The following CADPS variants were observed in gnomAD, a reference collection of about 807,000 sequenced individuals.
CADPS encodes the protein calcium dependent secretion activator.
CADPS carries 57 observed loss-of-function variants against 167.3 expected under a neutral mutation model. The observed-to-expected ratio is 0.34, with a 90% CI of 0.28 to 0.42. The LOEUF is 0.42. CADPS is among the 20% of genes least tolerant of loss of function. CADPS has a pLI of 1.00. For missense variants in CADPS, 1,414 were observed against 1,738.1 expected (o/e 0.81, Z 3.32); for synonymous variants, 676 against 635.3 (o/e 1.06, Z -0.96).
chr3:62,536,586 T>G lies in CADPS; in HGVS notation c.1967-5A>C. 3.7e-6 allele frequency: 6 copies of G among 1,612,536 alleles called. No homozygotes were observed. The highest frequency in any genetic ancestry group is 5.1e-6 in the Non-Finnish European group (6 of 1,178,954). On this transcript the variant is annotated splice_polypyrimidine_tract_variant and splice_region_variant and intron_variant, in intron 11 of 29. Transcript: ENST00000383710. ...GTTTTTGAGCTCTATCTGCGTCTGT[T>G]CATTTATACATGTAGAGAGAGACAC...
intron 2 of CADPS, among the ~76,000 whole-genome samples, chr3:62,758,993 T>A (rs1201363320): frequency 2.0e-5 from 3 of 152,146 alleles, no homozygotes; most frequent in African/African-American, 7.2e-5. Flanking sequence ...CCTTTCAATA[T>A]AAATAAGAAA....
chr3:62,474,556 G>A (rs1267120195), intron 23 of CADPS, among the ~76,000 whole-genome samples: 1 of 152,114 alleles, frequency 6.6e-6, no homozygotes, highest in African/African-American at 2.4e-5. Flanking sequence ...GTAGCTTGGC[G>A]TATTTCTCTC....
intron 1 of CADPS, among the ~76,000 whole-genome samples, chr3:62,859,248 C>T (rs963739541): frequency 2.6e-5 from 4 of 152,118 alleles, no homozygotes; most frequent in Non-Finnish European, 4.4e-5. Context: ...GAAGTAAACA[C>T]ATATTATTAA....
chr3:62,568,494 G>C (rs887244423), intron 9 of CADPS, among the ~76,000 whole-genome samples: 5 of 152,202 alleles, frequency 3.3e-5, no homozygotes, highest in African/African-American at 1.2e-4. Flanking sequence ...TTGGGCATCA[G>C]ACTCCAGGTT....
rs116743409 is a variant in CADPS at position 62,491,081 on chromosome 3, T to C, written c.3026+258A>G. ...AGCCGAGTTTATATTCCTTCTTCCT[T>C]ATTTATCTTGTGCAATAAGAGATTT... On this transcript the variant is annotated intron_variant, in intron 21 of 29. Coordinates refer to ENST00000383710, the MANE Select transcript of CADPS (RefSeq NM_003716.4). Among the ~76,000 whole-genome samples the C allele has an allele frequency of 4.6e-3, 697 of 152,316 alleles. 6 individuals carry two copies. The highest frequency in any genetic ancestry group is 0.016 in the African/African-American group (659 of 41,566).
At chr3:62,824,398 C>T (rs207463166) in intron 1 of CADPS, among the ~76,000 whole-genome samples, 3 of 152,084 alleles carry the variant, frequency 2.0e-5, no homozygotes, top group African/African-American at 7.2e-5. Flanking sequence ...GCTATGGGAA[C>T]AAATGTAAGC....
intron 1 of CADPS, among the ~76,000 whole-genome samples, chr3:62,777,302 T>C (rs1460515233): frequency 6.6e-6 from 1 of 152,150 alleles, no homozygotes; most frequent in East Asian, 1.9e-4. Context: ...TTCACTGAAA[T>C]TGATTTAGAT....
At chr3:62,824,980 C>T (rs1479613945) in intron 1 of CADPS, among the ~76,000 whole-genome samples, 2 of 152,032 alleles carry the variant, frequency 1.3e-5, no homozygotes, top group Non-Finnish European at 2.9e-5. Flanking sequence ...TACACAGGCA[C>T]GTATATCCAG....
chr3:62,554,887 G>A (rs62243513), intron 10 of CADPS, among the ~76,000 whole-genome samples: 4 of 151,972 alleles, frequency 2.6e-5, no homozygotes, highest in Middle Eastern at 3.2e-3. Context: ...CGAGTAGCTC[G>A]GATTACAGGT....
At chr3:62,810,197 T>C (rs1218856637) in intron 1 of CADPS, among the ~76,000 whole-genome samples, 1 of 152,120 alleles carries the variant, frequency 6.6e-6, no homozygotes. Flanking sequence ...AAAAGCATGG[T>C]TTTGGTACCA....
chr3:62,638,229 A>C (rs2066718485), intron 6 of CADPS, among the ~76,000 whole-genome samples: 1 of 152,002 alleles, frequency 6.6e-6, no homozygotes, highest in Non-Finnish European at 1.5e-5. Context: ...TGTCCATGAC[A>C]CCATACTGCT....
chr3:62,480,019 C>A (rs1229859129), intron 22 of CADPS, among the ~76,000 whole-genome samples: 1 of 151,796 alleles, frequency 6.6e-6, no homozygotes, highest in Non-Finnish European at 1.5e-5. Context: ...AACATTTTGA[C>A]ACCCATCTGG....
chr3:62,433,207 T>C lies in CADPS; in HGVS notation c.3777+4897A>G, dbSNP rs547638642. On this transcript the variant is annotated intron_variant, in intron 28 of 29. Coordinates refer to ENST00000383710, the MANE Select transcript of CADPS (RefSeq NM_003716.4). The surrounding 1 kb of genome is among the most constrained non-coding windows in gnomAD (Gnocchi z 4.7). ...GTATCTGTGGTTTCATATATAAATATAGCAAATATATTTTAACAGGCAAAG... is the reference window on the plus strand; with the variant it reads ...GTATCTGTGGTTTCATATATAAATACAGCAAATATATTTTAACAGGCAAAG... 2.3e-4 allele frequency among the ~76,000 whole-genome samples: 35 copies of C among 152,316 alleles called. No individual in the cohort carries two copies. The highest frequency in any genetic ancestry group is 3.4e-3 in the Middle Eastern group (1 of 294).
chr3:62,667,315 A>C (rs1358478016), intron 3 of CADPS, among the ~76,000 whole-genome samples: 2 of 151,990 alleles, frequency 1.3e-5, no homozygotes, highest in East Asian at 3.9e-4. Context: ...GGATATATGA[A>C]AGAAATCAGA....
At chr3:62,852,604 G>GAA (rs368586358) in intron 1 of CADPS, among the ~76,000 whole-genome samples, 1 of 138,636 alleles carries the variant, frequency 7.2e-6, no homozygotes, top group Non-Finnish European at 1.6e-5. Flanking sequence ...ATCAAAAAAA[G>GAA]AAAAAAAAAA....
At chr3:62,707,112 C>G (rs1363419476) in intron 3 of CADPS, among the ~76,000 whole-genome samples, 2 of 152,114 alleles carry the variant, frequency 1.3e-5, no homozygotes, top group African/African-American at 4.8e-5. Context: ...ACTACCGGTC[C>G]TTGGCCTGTT....
At chr3:62,824,916 G>A (rs892475775) in intron 1 of CADPS, among the ~76,000 whole-genome samples, 8 of 151,922 alleles carry the variant, frequency 5.3e-5, no homozygotes, top group African/African-American at 1.9e-4. Context: ...ATTTCTGCTT[G>A]GTTAAAATAT....
intron 3 of CADPS, among the ~76,000 whole-genome samples, chr3:62,749,990 T>C (rs1254234876): frequency 6.6e-6 from 1 of 152,208 alleles, no homozygotes; most frequent in Non-Finnish European, 1.5e-5. Flanking sequence ...GCATATTATT[T>C]TTTTGTAAAA....
intron 13 of CADPS, among the ~76,000 whole-genome samples, chr3:62,525,547 C>T (rs564878308): frequency 2.6e-5 from 4 of 152,056 alleles, no homozygotes; most frequent in Non-Finnish European, 5.9e-5. Flanking sequence ...TTTTTTATAC[C>T]GCATCAGTGC....
Sources: gnomAD v4.1 joint callset for allele counts (sites outside exome capture counted in the v4.1 genomes callset) on GRCh38, gnomAD v4.1.1 for gene constraint, Gnocchi (gnomAD v3.1) non-coding constraint, MANE v1.5 for transcripts, NCBI Gene and HGNC (gene_info 2026-07-23, HGNC 2026-07-21) for gene names.